RARB: variants seen among roughly 807,000 people sequenced by gnomAD.
The protein encoded by RARB is retinoic acid receptor beta, also known as HBV-activated protein.
A neutral mutation model predicts 51.9 loss-of-function variants in RARB; 17 were observed. The observed-to-expected ratio is 0.33, with a 90% confidence interval of 0.22 to 0.49. The LOEUF (loss-of-function observed/expected upper bound fraction) is 0.49, where lower values mean the gene tolerates loss of function less well. Ranked by LOEUF, RARB falls within the 20% of genes least tolerant of loss-of-function variation. RARB has a pLI of 0.99. For synonymous variants in RARB, 215 were observed against 195.4 expected, an observed-to-expected ratio of 1.10 and a Z score of -0.84; for missense variants, 369 against 550.8, an observed-to-expected ratio of 0.67 and a Z score of 3.30.
intron 2 of RARB, among the ~76,000 whole-genome samples, chr3:24,952,939 G>A (rs1226563265): frequency 6.6e-6 from 1 of 151,892 alleles, no homozygotes; most frequent in African/African-American, 2.4e-5. Flanking sequence ...TAATTTCAGG[G>A]TATAACATAG....
intron 3 of RARB, among the ~76,000 whole-genome samples, chr3:25,551,208 T>C (rs1402945763): frequency 2.0e-5 from 3 of 152,144 alleles, no homozygotes; most frequent in Admixed American, 6.5e-5. Context: ...CAAGGTATTA[T>C]AGGGGGCCCA....
intron 3 of RARB, among the ~76,000 whole-genome samples, chr3:25,070,708 T>C (rs1375334839): frequency 6.6e-6 from 1 of 152,188 alleles, no homozygotes; most frequent in African/African-American, 2.4e-5. Context: ...CAACCCTATG[T>C]GGAAAGTTCA....
At chr3:25,459,552 T>C (rs1489341474) in intron 1 of RARB, among the ~76,000 whole-genome samples, 3 of 152,192 alleles carry the variant, frequency 2.0e-5, no homozygotes, top group Admixed American at 2.0e-4. Flanking sequence ...GTTTGAAGAA[T>C]AGACACTAGG....
intron 4 of RARB, among the ~76,000 whole-genome samples, chr3:25,156,516 CAAAAAAAAA>C (rs35710364): frequency 5.3e-4 from 30 of 56,838 alleles, no homozygotes; most frequent in Middle Eastern, 0.015. Context: ...GCCCCAACTG[CAAAAAAAAA>C]AAAAAAAAAA....
At chr3:25,454,164 A>C (rs1054840545) in intron 1 of RARB, among the ~76,000 whole-genome samples, 10 of 152,150 alleles carry the variant, frequency 6.6e-5, no homozygotes, top group Admixed American at 6.5e-4. Flanking sequence ...TCTACACACG[A>C]GTTCATACAC....
At chr3:25,580,869 A>G in intron 5 of RARB, 147 bp downstream of exon 5, 2 of 844,422 alleles carry the variant, frequency 2.4e-6, no homozygotes, top group South Asian at 2.6e-5. Context: ...AGGTGGACTC[A>G]CCTAGCCTCT....
intron 3 of RARB, among the ~76,000 whole-genome samples, chr3:25,533,295 T>C (rs1349425091): frequency 6.6e-6 from 1 of 152,150 alleles, no homozygotes; most frequent in Non-Finnish European, 1.5e-5. Flanking sequence ...TTGCTAGCCC[T>C]GAAAAAATAT....
intron 2 of RARB, among the ~76,000 whole-genome samples, chr3:24,938,069 T>C (rs1453656453): frequency 1.3e-5 from 2 of 151,974 alleles, no homozygotes; most frequent in African/African-American, 4.8e-5. Context: ...ATGATTTGCA[T>C]GGTGGTGGTG....
intron 3 of RARB, among the ~76,000 whole-genome samples, chr3:25,117,071 C>A (rs1257164353): frequency 6.6e-6 from 1 of 152,148 alleles, no homozygotes; most frequent in African/African-American, 2.4e-5. Flanking sequence ...TTTTCTCATT[C>A]ATTCAATCAA....
At chr3:24,961,063 TAAATA>T (rs1291884067) in intron 2 of RARB, among the ~76,000 whole-genome samples, 1 of 152,192 alleles carries the variant, frequency 6.6e-6, no homozygotes, top group Non-Finnish European at 1.5e-5. Flanking sequence ...ATAAAACTAT[TAAATA>T]AGAGACTTGA....
chr3:25,479,175 C>G (rs1696108341), intron 2 of RARB, among the ~76,000 whole-genome samples: 1 of 151,358 alleles, frequency 6.6e-6, no homozygotes, highest in East Asian at 1.9e-4. Flanking sequence ...TGCCTTTGAA[C>G]TTGGATGTGA....
chr3:25,182,115 T>TG (rs1700873493), intron 5 of RARB, among the ~76,000 whole-genome samples: 1 of 152,334 alleles, frequency 6.6e-6, no homozygotes, highest in African/African-American at 2.4e-5. Context: ...ACTTTCATTT[T>TG]GGAATCATAC....
At chr3:25,371,613 A>C (rs566225163) in intron 5 of RARB, among the ~76,000 whole-genome samples, 1 of 152,234 alleles carries the variant, frequency 6.6e-6, no homozygotes, top group African/African-American at 2.4e-5. Context: ...GTGGAAGTGG[A>C]TCAATAAGTG....
Position 24,957,342 on chromosome 3 carries a change from C to A in RARB, c.-380+98590C>A, listed in dbSNP as rs1476540343. Among the ~76,000 whole-genome samples the A allele has an allele frequency of 2.6e-5, 4 of 152,146 alleles. No individual in the cohort carries two copies. The South Asian group carries it at 6.2e-4, about 24-fold the overall frequency. ...CCTAGGAAATGTAAAACCAGACCTT[C>A]AAGTTTTAACAAAAATCATTATTTT... On this transcript the variant is annotated intron_variant, in intron 2 of 11. Transcript: ENST00000383772.
At chr3:24,937,037 T>C (rs918612548) in intron 2 of RARB, among the ~76,000 whole-genome samples, 3 of 152,292 alleles carry the variant, frequency 2.0e-5, no homozygotes, top group East Asian at 1.9e-4. Context: ...AATGAAACTT[T>C]TGTGACTATT....
intron 5 of RARB, among the ~76,000 whole-genome samples, chr3:25,205,328 C>T (rs765042096): frequency 6.6e-6 from 1 of 152,176 alleles, no homozygotes; most frequent in African/African-American, 2.4e-5. Flanking sequence ...CCTGTCACCC[C>T]TTTCCTTGGC....
chr3:24,987,019 G>A (rs1051862368), intron 2 of RARB, among the ~76,000 whole-genome samples: 1 of 151,958 alleles, frequency 6.6e-6, no homozygotes, highest in South Asian at 2.1e-4. Context: ...CAAAAAATAC[G>A]GGTTTGAAAA....
At chr3:24,851,073 A>T (rs1394737554) in intron 1 of RARB, among the ~76,000 whole-genome samples, 1 of 152,230 alleles carries the variant, frequency 6.6e-6, no homozygotes, top group Non-Finnish European at 1.5e-5. Context: ...CAGAATGGCC[A>T]TTTAAATGAC....
upstream of RARB, chr3:25,428,230 G>C: frequency 8.1e-7 from 1 of 1,230,222 alleles, no homozygotes; most frequent in East Asian, 3.2e-5. Flanking sequence ...AAGTTCACTC[G>C]CATATATTAG....
Sources: allele counts gnomAD v4.1 joint callset (sites outside exome capture counted in the v4.1 genomes callset), GRCh38; gene constraint gnomAD v4.1.1; transcripts MANE v1.5; gene names NCBI Gene and HGNC (gene_info 2026-07-23, HGNC 2026-07-21).